The following ABHD3 variants were observed in gnomAD, a reference collection of about 807,000 sequenced individuals.
ABHD3 encodes the protein abhydrolase domain containing 3, phospholipase.
In ABHD3, 46 loss-of-function variants were observed where a neutral mutation model predicts 48.8. The observed-to-expected ratio is 0.94, with a 90% CI of 0.74 to 1.20. The LOEUF is 1.20. ABHD3 is among the 50% of genes most tolerant of loss of function. The pLI is 0.00. For missense variants in ABHD3, 490 were observed against 497.8 expected (o/e 0.98, Z 0.15); for synonymous variants, 192 against 183.7 (o/e 1.04, Z -0.36).
At chr18:21,652,582 C>T (rs1339684617) in intron 8 of ABHD3, among the ~76,000 whole-genome samples, 1 of 151,998 alleles carries the variant, frequency 6.6e-6, no homozygotes, top group African/African-American at 2.4e-5. Context: ...CGAGACCATC[C>T]TGGCCAACAT....
intron 3 of ABHD3, among the ~76,000 whole-genome samples, chr18:21,692,894 A>T (rs1291475722): frequency 6.6e-6 from 1 of 152,234 alleles, no homozygotes; most frequent in Non-Finnish European, 1.5e-5. Flanking sequence ...TAGTGCTTGT[A>T]AGTAACAGTT....
rs1299611040 is a variant in ABHD3, at chr18:21,651,353, T to A, written c.*238A>T. 6 of 334,684 alleles carry A rather than the reference T, an allele frequency of 1.8e-5. No homozygotes were observed. Among genetic ancestry groups the A allele is most frequent in the African/African-American group, 1.3e-4 (6 of 46,748 alleles). The allele number at this position is 334,684 out of a possible 1,614,324, so 20.7% of individuals were successfully genotyped here. On this transcript the variant is annotated 3_prime_UTR_variant, in exon 9 of 9. Transcript: ENST00000289119. The stretch of plus-strand genomic sequence containing the variant: ...ATGTACATACTACTTTGTTTAAGGA[T>A]GTACTTGGTAAGGCATAGTAAAAAT...
intron 6 of ABHD3, 84 bp downstream of exon 6, chr18:21,659,086 G>A (rs537629293): frequency 5.3e-5 from 73 of 1,370,698 alleles, no homozygotes; most frequent in Admixed American, 5.3e-4. Flanking sequence ...TGATCCCCCC[G>A]CCTCAGCCTC....
intron 3 of ABHD3, among the ~76,000 whole-genome samples, chr18:21,691,061 A>G (rs889290639): frequency 3.9e-5 from 6 of 152,044 alleles, no homozygotes; most frequent in Non-Finnish European, 8.8e-5. Flanking sequence ...CACTTTAAAT[A>G]CAATGACATA....
At chr18:21,677,590 T>G (rs1429692392) in intron 4 of ABHD3, among the ~76,000 whole-genome samples, 1 of 152,198 alleles carries the variant, frequency 6.6e-6, no homozygotes, top group East Asian at 1.9e-4. Flanking sequence ...TTGATGAATA[T>G]CTGGGTTGTT....
At chr18:21,687,091 T>G (rs1289701699) in intron 3 of ABHD3, among the ~76,000 whole-genome samples, 1 of 151,938 alleles carries the variant, frequency 6.6e-6, no homozygotes, top group African/African-American at 2.4e-5. Flanking sequence ...AAACTTTTTG[T>G]AGAGACGGGG....
At chr18:21,688,451 T>C (rs1449560152) in intron 3 of ABHD3, among the ~76,000 whole-genome samples, 1 of 150,832 alleles carries the variant, frequency 6.6e-6, no homozygotes, top group Non-Finnish European at 1.5e-5. Flanking sequence ...CTAAGCACTT[T>C]ACATGAATAT....
At chr18:21,685,950 G>A (rs1057303682) in intron 3 of ABHD3, among the ~76,000 whole-genome samples, 8 of 152,194 alleles carry the variant, frequency 5.3e-5, no homozygotes, top group African/African-American at 1.7e-4. Context: ...TGTCTGCCTC[G>A]GCCTCTCAAA....
At chr18:21,678,810 G>A (rs2039945399) in intron 4 of ABHD3, among the ~76,000 whole-genome samples, 1 of 152,070 alleles carries the variant, frequency 6.6e-6, no homozygotes, top group South Asian at 2.1e-4. Flanking sequence ...TCTGTCTCCT[G>A]CAGGAAACAG....
At chr18:21,659,068 T>C (rs1341931279) in intron 6 of ABHD3, 102 bp downstream of exon 6, 3 of 1,222,272 alleles carry the variant, frequency 2.5e-6, no homozygotes, top group Non-Finnish European at 3.4e-6. Context: ...CTCGATCTCC[T>C]GACCTCGTGA....
intron 4 of ABHD3, among the ~76,000 whole-genome samples, chr18:21,670,026 A>T (rs1380996397): frequency 6.6e-6 from 1 of 152,056 alleles, no homozygotes; most frequent in Non-Finnish European, 1.5e-5. Flanking sequence ...GGCAACTGGG[A>T]CTCAAGTCCT....
At chr18:21,682,433 C>A (rs540276354) in intron 4 of ABHD3, 1 of 152,260 alleles carries the variant, frequency 6.6e-6, no homozygotes, top group African/African-American at 2.4e-5. Flanking sequence ...CTCCCCCAGG[C>A]GCTTTGTTAC....
chr18:21,678,585 T>G (rs1431869577), intron 4 of ABHD3, among the ~76,000 whole-genome samples: 1 of 151,490 alleles, frequency 6.6e-6, no homozygotes, highest in African/African-American at 2.4e-5. Flanking sequence ...ATCCTATAAC[T>G]AAAAATAGCT....
intron 4 of ABHD3, among the ~76,000 whole-genome samples, chr18:21,680,125 T>C (rs761668399): frequency 6.6e-6 from 1 of 152,200 alleles, no homozygotes; most frequent in Non-Finnish European, 1.5e-5. Flanking sequence ...ATGATTCTCC[T>C]GCCTCAGCCT....
Position 21,651,606 on chromosome 18 carries a change from T to C in ABHD3, c.1215A>G (p.Gly405=), listed in dbSNP as rs1414217873. 1 of 1,614,034 alleles carries C rather than the reference T, an allele frequency of 6.2e-7. No individual in the cohort carries two copies. The highest frequency in any genetic ancestry group is 1.3e-5 in the African/African-American group (1 of 74,940). Reference sequence around the variant, plus strand: ...GAACTACATGTTAAGAGAGTTCATGTCCATGCTCAACCATGGCTTGCACAA... The same window carrying C: ...GAACTACATGTTAAGAGAGTTCATGCCCATGCTCAACCATGGCTTGCACAA... The part of the protein sequence containing the change: ...KQFVQAMVEH[G]HELS Residue 405 remains glycine, a synonymous_variant, in exon 9 of 9, where the codon GGA becomes GGG. Coordinates refer to ENST00000289119, the MANE Select transcript of ABHD3 (RefSeq NM_138340.5).
chr18:21,651,473 G>C lies in ABHD3; in HGVS notation c.*118C>G. On this transcript the variant is annotated 3_prime_UTR_variant, in exon 9 of 9. Coordinates refer to ENST00000289119, the MANE Select transcript of ABHD3 (RefSeq NM_138340.5). ...AAAGTAGTTTTTGCATATCATTCTGGACCTCTTCACCCATCTGCTGGCTTA... is the reference window on the plus strand; with the variant it reads ...AAAGTAGTTTTTGCATATCATTCTGCACCTCTTCACCCATCTGCTGGCTTA... 1 of 1,170,594 alleles carries C rather than the reference G, an allele frequency of 8.5e-7. No individual in the cohort carries two copies. Among genetic ancestry groups the C allele is most frequent in the Non-Finnish European group, 1.2e-6 (1 of 841,920 alleles). The allele number at this position is 1,170,594 out of a possible 1,614,324, so 72.5% of individuals were successfully genotyped here.
chr18:21,700,924 T>C (rs552965607), intron 3 of ABHD3, among the ~76,000 whole-genome samples: 2 of 123,452 alleles, frequency 1.6e-5, no homozygotes, highest in East Asian at 4.6e-4. Flanking sequence ...CTGCGCTCCA[T>C]GCTGGGCAAC....
At chr18:21,672,611 C>G (rs974486209) in intron 4 of ABHD3, among the ~76,000 whole-genome samples, 3 of 152,114 alleles carry the variant, frequency 2.0e-5, no homozygotes, top group African/African-American at 7.2e-5. Flanking sequence ...CCAAGAGGAA[C>G]AATGCTTTTA....
Position 21,700,849 on chromosome 18 carries a change from ATG to A in ABHD3, c.509+1465_509+1466del, listed in dbSNP as rs1568166431. On this transcript the variant is annotated intron_variant, in intron 3 of 8. Transcript: ENST00000289119. ...AGCCAAAAAAAAAAAAAAAAAAAAA[ATG>A]GAACCAGGCTGGGAGCATTAACTCA... 2.9e-4 allele frequency among the ~76,000 whole-genome samples: 42 copies of A among 146,536 alleles called. 1 individual carries two copies. Among genetic ancestry groups the A allele is most frequent in the African/African-American group, 9.7e-4 (37 of 38,252 alleles).
Sources: gnomAD v4.1 joint callset for allele counts (sites outside exome capture counted in the v4.1 genomes callset) on GRCh38, gnomAD v4.1.1 for gene constraint, MANE v1.5 for transcripts, NCBI Gene and HGNC (gene_info 2026-07-23, HGNC 2026-07-21) for gene names.